Variants in ZBTB7C observed in about 807,000 individuals in gnomAD.
ZBTB7C encodes zinc finger and BTB domain containing 7C.
In ZBTB7C, 8 loss-of-function variants were observed where a neutral mutation model predicts 25.7. The ratio of observed to expected loss-of-function variants is 0.31; its 90% CI spans 0.18 to 0.56. The LOEUF is 0.56. Ranked by LOEUF, ZBTB7C falls within the 20% of genes least tolerant of loss-of-function variation. The probability of loss-of-function intolerance (pLI) is 0.91; values close to 1 mark genes in which losing one functional copy is unlikely to be tolerated. For synonymous variants in ZBTB7C, 394 were observed against 369.0 expected (o/e 1.07, Z -0.78); for missense variants, 824 against 855.2 (o/e 0.96, Z 0.46).
At chr18:48,135,904 C>T (rs980797837) in intron 3 of ZBTB7C, among the ~76,000 whole-genome samples, 35 of 152,264 alleles carry the variant, frequency 2.3e-4, no homozygotes, top group Non-Finnish European at 7.3e-5. Flanking sequence ...CTTCCTTCTG[C>T]GCGAAGCTGG....
At chr18:48,302,539 C>T (rs1173504933) in intron 2 of ZBTB7C, among the ~76,000 whole-genome samples, 1 of 152,220 alleles carries the variant, frequency 6.6e-6, no homozygotes, top group East Asian at 1.9e-4. Flanking sequence ...CCTCAGAGAA[C>T]ACTAACACCA....
intron 3 of ZBTB7C, among the ~76,000 whole-genome samples, chr18:48,074,044 C>T (rs1313156432): frequency 3.4e-5 from 5 of 148,254 alleles, no homozygotes; most frequent in Non-Finnish European, 7.4e-5. Context: ...GACGGAGTCT[C>T]GTTCTGTCAC....
In ZBTB7C at chr18:48,040,374, C is replaced by T. The variant is rs765569343; in HGVS notation, c.734G>A (p.Arg245Lys). 1.9e-6 allele frequency: 3 copies of T among 1,611,814 alleles called. No individual in the cohort carries two copies. In the South Asian group the frequency reaches 3.3e-5, roughly 18 times the overall value. The part of the protein sequence containing the change: ...LYPKANIPDR[R>K]PSLSPFAPDF... Reference sequence around the variant, plus strand: ...CGGGGCGAATGGAGACAAGGAGGGTCTCCTGTCGGGGATGTTGGCCTTGGG... The same window carrying T: ...CGGGGCGAATGGAGACAAGGAGGGTTTCCTGTCGGGGATGTTGGCCTTGGG... The change falls in exon 4 of 5, where the codon AGA becomes AAA. Residue 245 changes from arginine to lysine, a missense_variant. Physicochemically the swap from Arg to Lys is conservative, Grantham distance 26. Coordinates refer to ENST00000590800, the MANE Select transcript of ZBTB7C (RefSeq NM_001318841.2).
intron 2 of ZBTB7C, among the ~76,000 whole-genome samples, chr18:48,292,066 T>C (rs2045246013): frequency 6.6e-6 from 1 of 151,886 alleles, no homozygotes; most frequent in Non-Finnish European, 1.5e-5. Context: ...GGCGTGGTGG[T>C]GGGTGCCTGT....
chr18:48,293,106 C>G (rs991048189), intron 2 of ZBTB7C, among the ~76,000 whole-genome samples: 1 of 152,198 alleles, frequency 6.6e-6, no homozygotes, highest in African/African-American at 2.4e-5. Context: ...TGCTCTAAAC[C>G]ACTGTCTTAG....
At chr18:48,257,204 TCAGA>T (rs1300062657) in intron 2 of ZBTB7C, among the ~76,000 whole-genome samples, 3 of 152,064 alleles carry the variant, frequency 2.0e-5, no homozygotes, top group African/African-American at 4.8e-5. Context: ...TATATTAGTG[TCAGA>T]CAAAGTAGAT....
intron 2 of ZBTB7C, among the ~76,000 whole-genome samples, chr18:48,227,019 C>CAAAAAAAAAAAAA (rs1187830776): frequency 2.7e-4 from 15 of 55,974 alleles, no homozygotes; most frequent in East Asian, 6.5e-4. Flanking sequence ...GACTCCATCT[C>CAAAAAAAAAAAAA]AAAAAAAAAA....
chr18:48,193,469 C>A (rs1197989813), intron 2 of ZBTB7C, among the ~76,000 whole-genome samples: 1 of 152,040 alleles, frequency 6.6e-6, no homozygotes, highest in Non-Finnish European at 1.5e-5. Context: ...CTTGCTCCCC[C>A]ATCCAAAAAA....
intron 2 of ZBTB7C, among the ~76,000 whole-genome samples, chr18:48,327,809 G>A (rs758279283): frequency 1.6e-4 from 24 of 151,922 alleles, no homozygotes; most frequent in Non-Finnish European, 2.8e-4. Flanking sequence ...CCACCCAGAT[G>A]TCCATACATG....
At chr18:48,089,954 G>C (rs865834435) in intron 3 of ZBTB7C, among the ~76,000 whole-genome samples, 26 of 152,228 alleles carry the variant, frequency 1.7e-4, no homozygotes, top group African/African-American at 6.3e-4. Flanking sequence ...CCCAAGACCA[G>C]CAAGGATAGT....
chr18:48,158,271 A>G (rs2040897917), intron 3 of ZBTB7C, among the ~76,000 whole-genome samples: 2 of 152,196 alleles, frequency 1.3e-5, no homozygotes, highest in African/African-American at 4.8e-5. Flanking sequence ...GCTTTTGGGC[A>G]GGGCTGCGAA....
At chr18:48,173,137 A>C (rs2145041778) in intron 3 of ZBTB7C, among the ~76,000 whole-genome samples, 1 of 152,250 alleles carries the variant, frequency 6.6e-6, no homozygotes, top group East Asian at 1.9e-4. Flanking sequence ...GGTTTTGCTA[A>C]TTTTCTATTC....
chr18:48,105,412 C>T (rs938926310), intron 3 of ZBTB7C, among the ~76,000 whole-genome samples: 1 of 152,180 alleles, frequency 6.6e-6, no homozygotes, highest in African/African-American at 2.4e-5. Context: ...TATTGCACCT[C>T]AGGTGCAATA....
At chr18:48,172,624 G>A (rs1599027126) in intron 3 of ZBTB7C, among the ~76,000 whole-genome samples, 1 of 152,360 alleles carries the variant, frequency 6.6e-6, no homozygotes, top group African/African-American at 2.4e-5. Flanking sequence ...GTGACCCACG[G>A]GGCCACAGGG....
chr18:48,386,052 T>A (rs1213164839), intron 1 of ZBTB7C, among the ~76,000 whole-genome samples: 1 of 152,228 alleles, frequency 6.6e-6, no homozygotes. Context: ...TTACCCATTA[T>A]CCTCCATTCC....
At chr18:48,136,513 C>T (rs1001068517) in intron 3 of ZBTB7C, among the ~76,000 whole-genome samples, 3 of 152,160 alleles carry the variant, frequency 2.0e-5, no homozygotes, top group African/African-American at 7.2e-5. Flanking sequence ...TTTTGTCCCC[C>T]CTCCCTCCCG....
At chr18:48,133,494 T>C (rs2144785735) in intron 3 of ZBTB7C, among the ~76,000 whole-genome samples, 1 of 152,322 alleles carries the variant, frequency 6.6e-6, no homozygotes, top group Non-Finnish European at 1.5e-5. Flanking sequence ...ATTACTCATT[T>C]CACTCCATCA....
chr18:48,140,444 T>C (rs1270474989), intron 3 of ZBTB7C, among the ~76,000 whole-genome samples: 1 of 152,172 alleles, frequency 6.6e-6, no homozygotes, highest in African/African-American at 2.4e-5. Flanking sequence ...TTGTTTAAGG[T>C]CACACCGCCT....
At position 48,029,794 on chromosome 18, in the gene ZBTB7C, G is replaced by A. The variant is rs542896008; in HGVS notation, c.1326C>T (p.His442=). 26 of 1,608,708 alleles carry A rather than the reference G, an allele frequency of 1.6e-5. No individual in the cohort carries two copies. Among genetic ancestry groups the A allele is most frequent in the South Asian group, 7.7e-5 (7 of 91,090 alleles). ...NYDLKNHMRI[H]TGVRPYQCEF... is the part of the protein sequence containing the mutation. ...CGCACTGGTAGGGCCGCACGCCCGT[G>A]TGGATGCGCATGTGGTTCTTGAGGT... Residue 442 remains histidine (H), a synonymous_variant, in exon 5 of 5, where the codon CAC becomes CAT. Coordinates refer to ENST00000590800, the MANE Select transcript of ZBTB7C (RefSeq NM_001318841.2).
Sources: gnomAD v4.1 joint callset for allele counts (sites outside exome capture counted in the v4.1 genomes callset) on GRCh38, gnomAD v4.1.1 for gene constraint, MANE v1.5 for transcripts, NCBI Gene and HGNC (gene_info 2026-07-23, HGNC 2026-07-21) for gene names.